The following ADCY8 variants were observed in gnomAD, a reference collection of about 807,000 sequenced individuals.
ADCY8 encodes the protein adenylate cyclase type 8.
Under a neutral mutation model 119.7 loss-of-function variants are expected in ADCY8, and 51 were observed. The observed-to-expected ratio is 0.43, with a 90% confidence interval of 0.34 to 0.54. The LOEUF is 0.54. Among genes scored for constraint, ADCY8 ranks in the 20% least tolerant of loss-of-function variants. ADCY8 has a pLI of 0.03. For synonymous variants in ADCY8, 665 were observed against 651.0 expected (o/e 1.02, Z -0.33); for missense variants, 1,383 against 1,598.8 (o/e 0.87, Z 2.30).
chr8:130,977,943 T>G (rs1318670733), intron 2 of ADCY8, among the ~76,000 whole-genome samples: 3 of 152,216 alleles, frequency 2.0e-5, no homozygotes, highest in Non-Finnish European at 2.9e-5. Context: ...TTGTGAAATA[T>G]CTTCCACTAC....
chr8:130,965,522 G>A (rs773603498), intron 2 of ADCY8, among the ~76,000 whole-genome samples: 60 of 152,182 alleles, frequency 3.9e-4, no homozygotes, highest in South Asian at 8.3e-4. Context: ...CCTGTGGTAT[G>A]TGCCTACATC....
chr8:130,864,448 C>A (rs1050371293), intron 9 of ADCY8, among the ~76,000 whole-genome samples: 1 of 152,056 alleles, frequency 6.6e-6, no homozygotes, highest in African/African-American at 2.4e-5. Flanking sequence ...GCTTAGCTCT[C>A]CTTTCTTCTC....
intron 14 of ADCY8, among the ~76,000 whole-genome samples, chr8:130,805,253 T>G (rs1240054072): frequency 6.6e-6 from 1 of 152,186 alleles, no homozygotes; most frequent in African/African-American, 2.4e-5. Flanking sequence ...CCTTATTTCA[T>G]CTATGGGGAA....
At chr8:131,013,779 T>C (rs997896646) in intron 1 of ADCY8, among the ~76,000 whole-genome samples, 20 of 152,318 alleles carry the variant, frequency 1.3e-4, no homozygotes, top group Middle Eastern at 3.4e-3. Context: ...CAAGGGCTTG[T>C]TTTCTCTTAA....
rs925803018 is a variant in ADCY8, at chr8:131,039,231, A to T, written c.960+143T>A. 2.5e-6 allele frequency: 3 copies of T among 1,213,648 alleles called. No individual in the cohort carries two copies. In the African/African-American group the frequency reaches 4.6e-5, roughly 18 times the overall value. 75.2% of individuals were successfully genotyped at this position (1,213,648 alleles called of 1,614,324 possible). A position where few individuals can be genotyped will look rare whatever the true frequency, so the allele number is the denominator to read the frequency against. On this transcript the variant is annotated intron_variant, in intron 1 of 17. Coordinates refer to ENST00000286355, the MANE Select transcript of ADCY8 (RefSeq NM_001115.3). ...AAGAGATTGCATTCCGCTAACACTC[A>T]AGACCTCCTAGGTACAAGGCACTGT...
chr8:130,901,263 T>TA (rs1687695139), intron 7 of ADCY8, among the ~76,000 whole-genome samples: 5 of 150,580 alleles, frequency 3.3e-5, no homozygotes. Context: ...TTTTTTTTTT[T>TA]ACTAGCAGTA....
intron 2 of ADCY8, among the ~76,000 whole-genome samples, chr8:130,986,078 A>G (rs10956568): frequency 0.2 from 29,947 of 152,098 alleles, 5,673 homozygotes; most frequent in African/African-American, 0.5. Flanking sequence ...GAAGCAGCAG[A>G]ATTATGAAAA....
At chr8:130,823,731 C>T (rs1013019458) in intron 12 of ADCY8, among the ~76,000 whole-genome samples, 1 of 151,886 alleles carries the variant, frequency 6.6e-6, no homozygotes, top group Non-Finnish European at 1.5e-5. Context: ...AATAAAGATG[C>T]ACATATAAAA....
intron 6 of ADCY8, among the ~76,000 whole-genome samples, chr8:130,907,508 A>G (rs1270344964): frequency 1.3e-5 from 2 of 152,226 alleles, no homozygotes; most frequent in Non-Finnish European, 2.9e-5. Context: ...TATAAGCACT[A>G]TCATATTTGA....
chr8:130,974,686 A>C (rs1822018987), intron 2 of ADCY8, among the ~76,000 whole-genome samples: 1 of 152,210 alleles, frequency 6.6e-6, no homozygotes, highest in Non-Finnish European at 1.5e-5. Context: ...TGAATAGGTG[A>C]GGCTGGAAAG....
At chr8:130,968,521 C>T (rs1334901189) in intron 2 of ADCY8, among the ~76,000 whole-genome samples, 1 of 152,100 alleles carries the variant, frequency 6.6e-6, no homozygotes, top group Non-Finnish European at 1.5e-5. Flanking sequence ...TAAACAATGG[C>T]AGTGAAAAAA....
At chr8:130,861,127 A>G (rs900172682) in intron 9 of ADCY8, among the ~76,000 whole-genome samples, 2 of 152,184 alleles carry the variant, frequency 1.3e-5, no homozygotes, top group African/African-American at 4.8e-5. Context: ...GAAATCAGGT[A>G]GTATTAATCC....
At chr8:131,013,011 T>A (rs1035487841) in intron 1 of ADCY8, among the ~76,000 whole-genome samples, 15 of 152,222 alleles carry the variant, frequency 9.9e-5, no homozygotes, top group African/African-American at 3.6e-4. Flanking sequence ...ATTTGTCAAA[T>A]AAACCTAATC....
chr8:130,784,885 A>G (rs900036386), intron 16 of ADCY8, among the ~76,000 whole-genome samples: 2 of 152,156 alleles, frequency 1.3e-5, no homozygotes, highest in Non-Finnish European at 2.9e-5. Context: ...ACTTTACTAG[A>G]TGCAAGGCTT....
intron 4 of ADCY8, among the ~76,000 whole-genome samples, chr8:130,940,828 C>G (rs1174659975): frequency 2.0e-5 from 3 of 152,240 alleles, no homozygotes; most frequent in Admixed American, 2.0e-4. Context: ...TTATCAAAAT[C>G]TTGGAAAATT....
intron 7 of ADCY8, chr8:130,892,867 G>A (rs7821012): frequency 1.3e-5 from 2 of 151,878 alleles, no homozygotes; most frequent in East Asian, 1.9e-4. Context: ...GTCCCTTAGA[G>A]CTGGCCTAAG....
intron 2 of ADCY8, among the ~76,000 whole-genome samples, chr8:130,988,996 G>C (rs1017747036): frequency 1.9e-4 from 29 of 152,366 alleles, no homozygotes; most frequent in African/African-American, 7.0e-4. Flanking sequence ...CCCATGGAAA[G>C]AGTGACATGC....
chr8:130,883,209 G>T (rs976714805), intron 8 of ADCY8, among the ~76,000 whole-genome samples: 5 of 152,140 alleles, frequency 3.3e-5, no homozygotes, highest in Admixed American at 2.6e-4. Context: ...GTATAGCTCT[G>T]GACACAGGTA....
At chr8:130,780,927 T>A in intron 17 of ADCY8, 50 bp from the exon 18 acceptor site, 2 of 1,590,562 alleles carry the variant, frequency 1.3e-6, no homozygotes, top group Non-Finnish European at 1.7e-6. Context: ...AGGGGGACAA[T>A]GGGGTGTTTG....
Sources: allele counts gnomAD v4.1 joint callset (sites outside exome capture counted in the v4.1 genomes callset), GRCh38; gene constraint gnomAD v4.1.1; transcripts MANE v1.5; gene names NCBI Gene and HGNC (gene_info 2026-07-23, HGNC 2026-07-21).